The following PGM5 variants were observed in gnomAD, a reference collection of about 807,000 sequenced individuals.
PGM5 encodes phosphoglucomutase 5, also known as phosphoglucomutase-like protein 5.
Under a neutral mutation model 59.2 loss-of-function variants are expected in PGM5, and 23 were observed. The ratio of observed to expected loss-of-function variants is 0.39; its 90% CI spans 0.28 to 0.55. The LOEUF is 0.55. PGM5 is among the 20% of genes least tolerant of loss of function. The probability of loss-of-function intolerance (pLI) is 0.66; values close to 1 mark genes in which losing one functional copy is unlikely to be tolerated. For missense variants in PGM5, 574 were observed against 748.3 expected, an observed-to-expected ratio of 0.77 and a Z score of 2.72; for synonymous variants, 214 against 286.0, an observed-to-expected ratio of 0.75 and a Z score of 2.54.
At chr9:68,500,086 T>C (rs1242417220) in intron 10 of PGM5, among the ~76,000 whole-genome samples, 1 of 149,446 alleles carries the variant, frequency 6.7e-6, no homozygotes, top group East Asian at 2.0e-4. Flanking sequence ...TCAATCTGGG[T>C]TTTGAAGCAA....
chr9:68,378,152 C>T (rs782156262), intron 1 of PGM5, 47 bp from the exon 2 acceptor site: 8 of 1,356,474 alleles, frequency 5.9e-6, no homozygotes, highest in Non-Finnish European at 7.8e-6. Context: ...GTTGAAATGG[C>T]TTTAATCCCA....
chr9:68,505,889 C>G (rs1393327569), intron 10 of PGM5, among the ~76,000 whole-genome samples: 7 of 152,186 alleles, frequency 4.6e-5, no homozygotes, highest in African/African-American at 1.7e-4. Flanking sequence ...CCTCTAACCA[C>G]CTGTTTGGTT....
intron 6 of PGM5, among the ~76,000 whole-genome samples, chr9:68,456,051 C>T (rs1375912354): frequency 1.3e-5 from 2 of 152,278 alleles, no homozygotes; most frequent in East Asian, 3.9e-4. Flanking sequence ...TTCTCTTTCA[C>T]ATATAGTGTG....
chr9:68,376,773 C>A (rs1587776395), intron 1 of PGM5, among the ~76,000 whole-genome samples: 1 of 50,954 alleles, frequency 2.0e-5, no homozygotes, highest in Non-Finnish European at 4.0e-5. Flanking sequence ...GCATTTCTTT[C>A]TTTCTTTCTT....
At chr9:68,460,013 A>G (rs1303676429) in intron 6 of PGM5, among the ~76,000 whole-genome samples, 1 of 152,208 alleles carries the variant, frequency 6.6e-6, no homozygotes, top group Non-Finnish European at 1.5e-5. Flanking sequence ...AGAAAATAGT[A>G]CCATGGGCCC....
intron 7 of PGM5, among the ~76,000 whole-genome samples, chr9:68,479,115 T>C (rs963419062): frequency 9.9e-5 from 15 of 152,220 alleles, no homozygotes; most frequent in Non-Finnish European, 2.2e-4. Flanking sequence ...CCTGATATAT[T>C]GTAGGGGTCA....
chr9:68,398,920 T>G (rs1822588230), intron 6 of PGM5, among the ~76,000 whole-genome samples: 1 of 152,212 alleles, frequency 6.6e-6, no homozygotes. Flanking sequence ...GCTCATTTCT[T>G]ATTACTTTAA....
At chr9:68,441,189 A>C (rs1554683673) in intron 6 of PGM5, among the ~76,000 whole-genome samples, 1 of 152,086 alleles carries the variant, frequency 6.6e-6, no homozygotes, top group Non-Finnish European at 1.5e-5. Flanking sequence ...TAGTGCAAAT[A>C]AATATATTGG....
At chr9:68,521,560 C>T (rs1824900191) in intron 10 of PGM5, among the ~76,000 whole-genome samples, 1 of 152,094 alleles carries the variant, frequency 6.6e-6, no homozygotes, top group Non-Finnish European at 1.5e-5. Flanking sequence ...TCCCTTTGAC[C>T]TAGCAAGTGT....
intron 6 of PGM5, among the ~76,000 whole-genome samples, chr9:68,418,622 T>C (rs7033627): frequency 0.43 from 65,906 of 151,804 alleles, 14,371 homozygotes; most frequent in East Asian, 0.64. Flanking sequence ...CTCACCTTGC[T>C]GCGGCCTGCT....
intron 1 of PGM5, among the ~76,000 whole-genome samples, 159 bp downstream of exon 1, chr9:68,357,547 G>A (rs1587765298): frequency 1.3e-5 from 2 of 152,288 alleles, no homozygotes; most frequent in African/African-American, 4.8e-5. Context: ...CCCCACTCCC[G>A]CCGCGCTCGC....
At chr9:68,498,869 C>T (rs1293453098) in intron 9 of PGM5, 1 of 240,710 alleles carries the variant, frequency 4.2e-6, no homozygotes, top group Admixed American at 5.1e-5. Flanking sequence ...CACAGATTTA[C>T]AAGGGACAAA....
At chr9:68,395,608 T>C (rs1166843581) in intron 6 of PGM5, 1 of 152,188 alleles carries the variant, frequency 6.6e-6, no homozygotes, top group Non-Finnish European at 1.5e-5. Context: ...TTTCTTTAAT[T>C]TCTCTTACAT....
chr9:68,404,397 G>A (rs573025725), intron 6 of PGM5, among the ~76,000 whole-genome samples: 4 of 152,176 alleles, frequency 2.6e-5, no homozygotes, highest in Non-Finnish European at 5.9e-5. Context: ...CCAAAGTGCT[G>A]GGATTAGAGG....
intron 10 of PGM5, among the ~76,000 whole-genome samples, chr9:68,529,210 T>TGTGG (rs1391957967): frequency 2.9e-5 from 4 of 138,182 alleles, no homozygotes; most frequent in Admixed American, 7.3e-5. Context: ...TGTGTGTGTG[T>TGTGG]GGTGAGGATG....
intron 9 of PGM5, among the ~76,000 whole-genome samples, chr9:68,491,849 A>T (rs1824396732): frequency 6.6e-6 from 1 of 152,234 alleles, no homozygotes; most frequent in Non-Finnish European, 1.5e-5. Context: ...TTTTTAAAAA[A>T]GCGAGAAAGA....
At chr9:68,519,504 G>T (rs1274866673) in intron 10 of PGM5, among the ~76,000 whole-genome samples, 1 of 151,950 alleles carries the variant, frequency 6.6e-6, no homozygotes, top group East Asian at 1.9e-4. Context: ...AAAAAAAATA[G>T]AAGGAAATTA....
At chr9:68,434,822 G>C (rs17056004) in intron 6 of PGM5, among the ~76,000 whole-genome samples, 1 of 152,052 alleles carries the variant, frequency 6.6e-6, no homozygotes, top group Non-Finnish European at 1.5e-5. Flanking sequence ...CTGTGATGTA[G>C]GGTCCTGACT....
chr9:68,414,114 G>A (rs1336681052), intron 6 of PGM5, among the ~76,000 whole-genome samples: 1 of 152,138 alleles, frequency 6.6e-6, no homozygotes, highest in Non-Finnish European at 1.5e-5. Context: ...CTCTCTCCAT[G>A]TGATCTCTGC....
Sources: allele counts gnomAD v4.1 joint callset (sites outside exome capture counted in the v4.1 genomes callset), GRCh38; gene constraint gnomAD v4.1.1; transcripts MANE v1.5; gene names NCBI Gene and HGNC (gene_info 2026-07-23, HGNC 2026-07-21).